EPDR1: variants seen among roughly 807,000 people sequenced by gnomAD.
EPDR1 encodes mammalian ependymin-related protein 1.
A neutral mutation model predicts 23.7 loss-of-function variants in EPDR1; 27 were observed. The observed-to-expected ratio is 1.14, with a 90% CI of 0.84 to 1.57. EPDR1 has a LOEUF of 1.57. EPDR1 is among the 40% of genes most tolerant of loss of function. The pLI is 0.00. For synonymous variants in EPDR1, 137 were observed against 118.2 expected, an observed-to-expected ratio of 1.16 and a Z score of -1.03; for missense variants, 349 against 290.4, an observed-to-expected ratio of 1.20 and a Z score of -1.47.
chr7:37,935,192 T>G (rs1475160022), intron 1 of EPDR1, among the ~76,000 whole-genome samples: 1 of 152,176 alleles, frequency 6.6e-6, no homozygotes, highest in East Asian at 1.9e-4. Context: ...CTAATCAGTG[T>G]GATTTTCTCA....
At chr7:37,940,255 A>T (rs138471710) in intron 1 of EPDR1, among the ~76,000 whole-genome samples, 6 of 152,298 alleles carry the variant, frequency 3.9e-5, no homozygotes, top group African/African-American at 1.4e-4. Flanking sequence ...GGAAAAATAA[A>T]ATGGAAGCAG....
At position 37,948,950 on chromosome 7, in the gene EPDR1, T is replaced by A. The variant is rs1166011759; in HGVS notation, c.380T>A (p.Ile127Asn). The A allele has an allele frequency of 1.9e-6, 3 of 1,614,106 alleles. No homozygotes were observed. Among genetic ancestry groups the A allele is most frequent in the Non-Finnish European group, 2.5e-6 (3 of 1,180,008 alleles). Residue 127 changes from isoleucine (I) to asparagine (N), a missense_variant, in exon 2 of 3, where the codon ATT (isoleucine) becomes AAT (asparagine). Coordinates refer to ENST00000199448, the MANE Select transcript of EPDR1 (RefSeq NM_017549.5). ...ACACAGCCCTGGGATCCTCTTGACA[T>A]TCCTCAAAACTCCACCTTTGAAGAC... ...TLTQPWDPLD[I>N]PQNSTFEDQY... is the part of the protein sequence containing the mutation.
intron 1 of EPDR1, chr7:37,921,587 A>G: frequency 1.1e-6 from 1 of 939,636 alleles, no homozygotes; most frequent in Non-Finnish European, 1.4e-6. Flanking sequence ...CTTCTGCGCT[A>G]TCTCATTTCT....
intron 1 of EPDR1, among the ~76,000 whole-genome samples, chr7:37,937,094 T>C (rs1786068569): frequency 6.6e-6 from 1 of 152,160 alleles, no homozygotes; most frequent in Non-Finnish European, 1.5e-5. Context: ...AGTCTTGAAA[T>C]AGATCCACAT....
rs1786385704 is a variant in EPDR1 at position 37,950,654 on chromosome 7, T to C, written c.*258T>C. On this transcript the variant is annotated 3_prime_UTR_variant, in exon 3 of 3. Coordinates refer to ENST00000199448, the MANE Select transcript of EPDR1 (RefSeq NM_017549.5). ...GGACACTTTGGGTATTTCTAATGCC[T>C]GTTCAGGGCTGGTTTTCTGCATGCA... The C allele has an allele frequency of 6.7e-6, 3 of 445,748 alleles. No homozygotes were observed. Among genetic ancestry groups the C allele is most frequent in the South Asian group, 4.4e-5 (1 of 22,768 alleles). The allele number at this position is 445,748 out of a possible 1,614,324, so 27.6% of individuals were successfully genotyped here.
intron 1 of EPDR1, among the ~76,000 whole-genome samples, chr7:37,941,324 T>C (rs751330184): frequency 1.7e-4 from 26 of 152,194 alleles, no homozygotes; most frequent in Non-Finnish European, 2.9e-4. Flanking sequence ...CATCACAAAG[T>C]ATCACTCATC....
At position 37,920,655 on chromosome 7, in the gene EPDR1, G is replaced by C. The variant is rs762560906; in HGVS notation, c.-285G>C. ...AGCAGTGAGCAGTGAAAACCGAAGC[G>C]GCAGAAGGCAGTGGCAGCAGGCAGT... On this transcript the variant is annotated 5_prime_UTR_variant, in exon 1 of 3. Coordinates refer to ENST00000199448, the MANE Select transcript of EPDR1 (RefSeq NM_017549.5). 6.4e-7 allele frequency: 1 copy of C among 1,573,664 alleles called. No individual in the cohort carries two copies. Among genetic ancestry groups the C allele is most frequent in the Non-Finnish European group, 8.7e-7 (1 of 1,153,802 alleles).
chr7:37,949,127 T>C, intron 2 of EPDR1, 79 bp downstream of exon 2: 2 of 1,404,226 alleles, frequency 1.4e-6, no homozygotes, highest in African/African-American at 1.4e-5. Flanking sequence ...AGGAAGGTAG[T>C]TTTTAGGGAA....
Position 37,950,663 on chromosome 7 carries a change from C to A in EPDR1, c.*267C>A, listed in dbSNP as rs751909545. ...GGGTATTTCTAATGCCTGTTCAGGG[C>A]TGGTTTTCTGCATGCACGGGTATAC... On this transcript the variant is annotated 3_prime_UTR_variant, in exon 3 of 3. Coordinates refer to ENST00000199448, the MANE Select transcript of EPDR1 (RefSeq NM_017549.5). 1 of 430,110 alleles carries A rather than the reference C, an allele frequency of 2.3e-6. No homozygotes were observed. Among genetic ancestry groups the A allele is most frequent in the Non-Finnish European group, 4.2e-6 (1 of 239,654 alleles). The allele number at this position is 430,110 out of a possible 1,614,324, so 26.6% of individuals were successfully genotyped here. A position where few individuals can be genotyped will look rare whatever the true frequency, so the allele number is the denominator to read the frequency against.
In EPDR1 at chr7:37,946,923, T is replaced by TA. The variant is rs561177480; in HGVS notation, c.270-1911dup. On this transcript the variant is annotated intron_variant, in intron 1 of 2. Coordinates refer to ENST00000199448, the MANE Select transcript of EPDR1 (RefSeq NM_017549.5). The stretch of plus-strand genomic sequence containing the variant: ...CTTACTACAAAAGAGTCAAAAAGTT[T>TA]AAAAAATCAAAATGTATATAAAGTT... 3.4e-3 allele frequency among the ~76,000 whole-genome samples: 511 copies of TA among 152,314 alleles called. 1 individual carries two copies. The highest frequency in any genetic ancestry group is 0.011 in the African/African-American group (478 of 41,578).
chr7:37,921,380 G>C, intron 1 of EPDR1, 172 bp downstream of exon 1: 1 of 1,395,660 alleles, frequency 7.2e-7, no homozygotes, highest in South Asian at 1.6e-5. Context: ...TCCGGGACTG[G>C]GAGGGGCGCT....
Position 37,920,990 on chromosome 7 carries a change from G to A in EPDR1, c.51G>A (p.Trp17Ter), listed in dbSNP as rs1225921385. The A allele has an allele frequency of 6.5e-7, 1 of 1,539,508 alleles. No individual in the cohort carries two copies. The highest frequency in any genetic ancestry group is 8.7e-7 in the Non-Finnish European group (1 of 1,147,112). ...CCGTCCCGGGCGCCCTGGGTGCCTG[G>A]CTGCTGGGCGGCCTCTGGGCCTGGA... ...LRTVPGALGA[W>*]LLGGLWAWTL... The change falls in exon 1 of 3, where the codon TGG becomes TGA. Residue 17 changes from tryptophan to a stop codon, truncating the protein, a stop_gained. Coordinates refer to ENST00000199448, the MANE Select transcript of EPDR1 (RefSeq NM_017549.5). LOFTEE classifies it high-confidence loss of function.
chr7:37,950,282 G>A lies in EPDR1; in HGVS notation c.561G>A (p.Leu187=). 6.2e-7 allele frequency: 1 copy of A among 1,614,044 alleles called. No individual in the cohort carries two copies. The highest frequency in any genetic ancestry group is 8.5e-7 in the Non-Finnish European group (1 of 1,180,006). ...TTACCATAAACTACAGTGTGATATTGTCTACGCGGTTTTTTGACATCCAGC... is the reference window on the plus strand; with the variant it reads ...TTACCATAAACTACAGTGTGATATTATCTACGCGGTTTTTTGACATCCAGC... ...ETFTINYSVI[L]STRFFDIQLG... Residue 187 remains leucine, a synonymous_variant, in exon 3 of 3, where the codon TTG becomes TTA. Transcript: ENST00000199448.
chr7:37,936,038 A>ATG (rs1786044389), intron 1 of EPDR1, among the ~76,000 whole-genome samples: 1 of 115,246 alleles, frequency 8.7e-6, no homozygotes, highest in Non-Finnish European at 1.9e-5. Context: ...ATATATATAT[A>ATG]TACACAAGGG....
chr7:37,939,323 G>A (rs116489407), intron 1 of EPDR1, among the ~76,000 whole-genome samples: 1 of 151,986 alleles, frequency 6.6e-6, no homozygotes, highest in Non-Finnish European at 1.5e-5. Flanking sequence ...AACTGCCACT[G>A]TGGGCTTAAA....
At chr7:37,923,483 G>A (rs117405554) in intron 1 of EPDR1, among the ~76,000 whole-genome samples, 3,994 of 152,212 alleles carry the variant, frequency 0.026, 130 homozygotes, top group East Asian at 0.18. Flanking sequence ...TTGCAACAGG[G>A]CTTGACTTTG....
At chr7:37,932,763 T>C (rs1184806509) in intron 1 of EPDR1, among the ~76,000 whole-genome samples, 1 of 152,200 alleles carries the variant, frequency 6.6e-6, no homozygotes, top group African/African-American at 2.4e-5. Flanking sequence ...TATTTCTTTT[T>C]GTGGTGGTGA....
chr7:37,945,882 A>T (rs1786265169), intron 1 of EPDR1, among the ~76,000 whole-genome samples: 1 of 151,942 alleles, frequency 6.6e-6, no homozygotes, highest in Non-Finnish European at 1.5e-5. Context: ...CCCTCCCCCA[A>T]GCTCCACCAA....
At chr7:37,937,674 G>T (rs1786081553) in intron 1 of EPDR1, among the ~76,000 whole-genome samples, 1 of 152,130 alleles carries the variant, frequency 6.6e-6, no homozygotes, top group Non-Finnish European at 1.5e-5. Context: ...GGCTTCTGAG[G>T]TGCCTTATCT....
Sources: allele counts gnomAD v4.1 joint callset (sites outside exome capture counted in the v4.1 genomes callset), GRCh38; gene constraint gnomAD v4.1.1; transcripts MANE v1.5; gene names NCBI Gene and HGNC (gene_info 2026-07-23, HGNC 2026-07-21).